GLDC: variants seen among roughly 807,000 people sequenced by gnomAD.
GLDC encodes glycine dehydrogenase (decarboxylating), mitochondrial.
GLDC carries 104 observed loss-of-function variants against 121.3 expected under a neutral mutation model. That is an observed-to-expected ratio of 0.86 (90% CI 0.73 to 1.01). The LOEUF (loss-of-function observed/expected upper bound fraction) is 1.01, where lower values mean the gene tolerates loss of function less well. GLDC is among the 50% of genes least tolerant of loss of function. GLDC has a pLI of 0.00. For missense variants in GLDC, 1,429 were observed against 1,306.6 expected (o/e 1.09, Z -1.44); for synonymous variants, 546 against 480.6 (o/e 1.14, Z -1.78).
intron 14 of GLDC, 64 bp downstream of exon 14, chr9:6,588,337 G>T: frequency 1.8e-6 from 2 of 1,081,548 alleles, no homozygotes; most frequent in South Asian, 1.2e-5. Flanking sequence ...CTAGTTCTGG[G>T]CTTAGGTGGA....
intron 15 of GLDC, among the ~76,000 whole-genome samples, chr9:6,580,995 T>C (rs980209683): frequency 3.3e-5 from 5 of 152,212 alleles, no homozygotes; most frequent in Non-Finnish European, 7.3e-5. Flanking sequence ...AGCTCCGACA[T>C]AAAATGACCG....
At chr9:6,567,167 G>C (rs1443773810) in intron 15 of GLDC, 2 of 151,954 alleles carry the variant, frequency 1.3e-5, no homozygotes, top group Non-Finnish European at 2.9e-5. Context: ...AAGAAAGAAA[G>C]CCTGTCTTAC....
At chr9:6,641,289 C>T (rs950348546) in intron 2 of GLDC, among the ~76,000 whole-genome samples, 2 of 152,216 alleles carry the variant, frequency 1.3e-5, no homozygotes, top group African/African-American at 4.8e-5. Context: ...GACCCCTTCC[C>T]TTGCCCTAGC....
At chr9:6,632,573 A>G in intron 2 of GLDC, among the ~76,000 whole-genome samples, 1 of 152,246 alleles carries the variant, frequency 6.6e-6, no homozygotes, top group Non-Finnish European at 1.5e-5. Context: ...TTGTTTAAGC[A>G]AGGCACAGTG....
chr9:6,533,714 C>T (rs1040690980), intron 24 of GLDC, among the ~76,000 whole-genome samples: 1 of 151,790 alleles, frequency 6.6e-6, no homozygotes, highest in African/African-American at 2.4e-5. Context: ...CAAAATTAGC[C>T]AGGCATGGTG....
intron 6 of GLDC, 148 bp downstream of exon 6, chr9:6,604,983 C>A: frequency 2.1e-6 from 2 of 943,678 alleles, no homozygotes; most frequent in Admixed American, 3.8e-5. Flanking sequence ...AAAAAAGTAG[C>A]AGCAAGGAGT....
intron 2 of GLDC, chr9:6,622,889 C>CGG (rs1819140670): frequency 9.7e-6 from 2 of 205,230 alleles, no homozygotes; most frequent in Non-Finnish European, 2.0e-5. Flanking sequence ...CGCCTCTGCC[C>CGG]CGCCGCCCGG....
At chr9:6,598,954 G>A (rs1464404494) in intron 8 of GLDC, among the ~76,000 whole-genome samples, 1 of 152,148 alleles carries the variant, frequency 6.6e-6, no homozygotes, top group African/African-American at 2.4e-5. Context: ...GCCAAGGCGG[G>A]CGGATCACCT....
intron 5 of GLDC, 82 bp downstream of exon 5, chr9:6,606,510 G>T: frequency 1.1e-6 from 1 of 929,618 alleles, no homozygotes; most frequent in Non-Finnish European, 1.8e-6. Context: ...CCTCCAATCA[G>T]TTTGGAAGTG....
intron 15 of GLDC, among the ~76,000 whole-genome samples, chr9:6,583,082 G>T (rs142532476): frequency 6.6e-6 from 1 of 152,172 alleles, no homozygotes. Flanking sequence ...GGTGGGGGAC[G>T]TGGAGAAATC....
chr9:6,555,511 G>GT (rs1273134666), intron 18 of GLDC, among the ~76,000 whole-genome samples: 1 of 152,068 alleles, frequency 6.6e-6, no homozygotes, highest in Non-Finnish European at 1.5e-5. Context: ...GATCACACCT[G>GT]TAATCCTAGC....
chr9:6,621,758 C>T (rs1444700510), intron 2 of GLDC, among the ~76,000 whole-genome samples: 9 of 152,134 alleles, frequency 5.9e-5, no homozygotes, highest in Admixed American at 2.6e-4. Flanking sequence ...CTTCGTGATC[C>T]GCCCACCTCA....
In GLDC at chr9:6,592,976, C is replaced by A. The variant is rs1818407494; in HGVS notation, c.1276G>T (p.Gly426Trp). ...AACAGGTCATGCTGGAGTTGATGCCCTGCTCGCTTGAGACCTACACAAGAT... is the reference window on the plus strand; with the variant it reads ...AACAGGTCATGCTGGAGTTGATGCCATGCTCGCTTGAGACCTACACAAGAT... Reference protein sequence around the residue: ...LILSEGLKRAGHQLQHDLFFD... With the variant: ...LILSEGLKRAWHQLQHDLFFD... Residue 426 changes from glycine to tryptophan, a missense_variant, in exon 10 of 25, where the codon GGG becomes TGG. Gly to Trp is a radical substitution (Grantham distance 184). Coordinates refer to ENST00000321612, the MANE Select transcript of GLDC (RefSeq NM_000170.3). The A allele has an allele frequency of 6.2e-7, 1 of 1,612,230 alleles. No individual in the cohort carries two copies. The highest frequency in any genetic ancestry group is 2.2e-5 in the East Asian group (1 of 44,724).
chr9:6,566,253 T>C (rs181836355), intron 15 of GLDC, among the ~76,000 whole-genome samples: 121 of 152,270 alleles, frequency 7.9e-4, no homozygotes, highest in African/African-American at 2.8e-3. Context: ...AAAAAATAAA[T>C]AAATAACTAC....
intron 8 of GLDC, among the ~76,000 whole-genome samples, chr9:6,597,387 T>C (rs903269765): frequency 1.3e-5 from 2 of 152,100 alleles, no homozygotes; most frequent in Non-Finnish European, 2.9e-5. Context: ...TACATCTCAA[T>C]AAAAAAAGCT....
rs1587959873 is a variant in GLDC, at chr9:6,604,479, C to G, written c.1058+109G>C. On this transcript the variant is annotated intron_variant, in intron 7 of 24. Transcript: ENST00000321612. ...GAATCTATGTTGTACATTTCCTTAA[C>G]TGACTCAACATGGCCCAGTTGAATT... 7.0e-6 allele frequency: 7 copies of G among 996,888 alleles called. No homozygotes were observed. In the East Asian group the frequency reaches 1.4e-4, roughly 20 times the overall value. The allele number at this position is 996,888 out of a possible 1,614,324, so 61.8% of individuals were successfully genotyped here.
intron 21 of GLDC, among the ~76,000 whole-genome samples, chr9:6,549,557 G>A (rs1340582208): frequency 3.3e-5 from 5 of 152,140 alleles, no homozygotes; most frequent in Admixed American, 6.5e-5. Context: ...TACTTGAGGC[G>A]TTTTGTTCTG....
intron 22 of GLDC, 125 bp from the exon 23 acceptor site, chr9:6,536,361 T>A (rs748060681): frequency 3.4e-4 from 295 of 857,494 alleles, no homozygotes; most frequent in Non-Finnish European, 5.1e-4. Flanking sequence ...TGCAAATGTA[T>A]GTATGTGGGG....
chr9:6,629,672 C>A (rs1391947755), intron 2 of GLDC, among the ~76,000 whole-genome samples: 1 of 151,704 alleles, frequency 6.6e-6, no homozygotes. Flanking sequence ...CCAAACATAA[C>A]CCTACAATTT....
Sources: allele counts gnomAD v4.1 joint callset (sites outside exome capture counted in the v4.1 genomes callset), GRCh38; gene constraint gnomAD v4.1.1; transcripts MANE v1.5; gene names NCBI Gene and HGNC (gene_info 2026-07-23, HGNC 2026-07-21).